MICAL2: variants seen among roughly 807,000 people sequenced by gnomAD.
MICAL2 encodes the protein microtubule associated monooxygenase, calponin and LIM domain containing 2.
A neutral mutation model predicts 127.3 loss-of-function variants in MICAL2; 77 were observed. That is an observed-to-expected ratio of 0.60 (90% confidence interval 0.50 to 0.73). MICAL2 has a LOEUF of 0.73. MICAL2 is among the 30% of genes least tolerant of loss of function. The pLI is 0.00. For synonymous variants in MICAL2, 570 were observed against 551.1 expected, an observed-to-expected ratio of 1.03 and a Z score of -0.48; for missense variants, 1,351 against 1,434.4, an observed-to-expected ratio of 0.94 and a Z score of 0.94.
intron 3 of MICAL2, among the ~76,000 whole-genome samples, chr11:12,179,003 C>T (rs1253060650): frequency 6.6e-6 from 1 of 152,186 alleles, no homozygotes; most frequent in African/African-American, 2.4e-5. Flanking sequence ...ATCACACCTG[C>T]CAGCCTCTGG....
In MICAL2 at chr11:12,162,390, A is replaced by G; in HGVS notation, c.235A>G (p.Lys79Glu). ...LDKRGSHKEY[K>E]RGKSCTNTKC... ...TAAGCGTGGTTCCCACAAAGAGTAT[A>G]AGCGAGGGAAGTCGTGCACGAACAC... The change falls in exon 3 of 28, where the codon AAG (lysine) becomes GAG (glutamate). Residue 79 changes from lysine (K) to glutamate (E), a missense_variant. Transcript: ENST00000683283. 1 of 1,614,262 alleles carries G rather than the reference A, an allele frequency of 6.2e-7. No individual in the cohort carries two copies. Among genetic ancestry groups the G allele is most frequent in the Non-Finnish European group, 8.5e-7 (1 of 1,180,044 alleles).
At chr11:12,352,040 G>C (rs1845394) in intron 33 of MICAL2, among the ~76,000 whole-genome samples, 7,929 of 151,980 alleles carry the variant, frequency 0.052, 527 homozygotes, top group African/African-American at 0.14. Flanking sequence ...CACCCACCTC[G>C]GCCTCCCAAA....
At chr11:12,145,443 A>G (rs372942331) in intron 2 of MICAL2, among the ~76,000 whole-genome samples, 1 of 152,158 alleles carries the variant, frequency 6.6e-6, no homozygotes, top group African/African-American at 2.4e-5. Flanking sequence ...AATAGCGACA[A>G]TGATCTACTG....
intron 29 of MICAL2, among the ~76,000 whole-genome samples, chr11:12,303,369 G>A (rs1864071279): frequency 6.6e-6 from 1 of 152,182 alleles, no homozygotes; most frequent in African/African-American, 2.4e-5. Flanking sequence ...GATGTAGCTA[G>A]TGTGAATGAG....
chr11:12,201,181 C>G (rs575153769), intron 3 of MICAL2, among the ~76,000 whole-genome samples: 3 of 152,200 alleles, frequency 2.0e-5, no homozygotes, highest in African/African-American at 7.2e-5. Context: ...CGTGGGCTTG[C>G]ACACCCACTC....
chr11:12,268,076 C>G (rs1863629373), downstream of MICAL2, among the ~76,000 whole-genome samples: 1 of 152,210 alleles, frequency 6.6e-6, no homozygotes, highest in East Asian at 1.9e-4. Context: ...TATATGCCCT[C>G]TGGCCTGGAC....
chr11:12,276,202 G>A (rs751364100), intron 1 of MICAL2: 8 of 392,040 alleles, frequency 2.0e-5, no homozygotes, highest in Non-Finnish European at 2.2e-5. Context: ...GGACAGAAGC[G>A]GGGTTGGAGG....
At chr11:12,122,162 G>A (rs576226707) in intron 1 of MICAL2, among the ~76,000 whole-genome samples, 7 of 152,306 alleles carry the variant, frequency 4.6e-5, no homozygotes, top group African/African-American at 1.7e-4. Context: ...CTGAACCTTG[G>A]GTTTGTTCTC....
intron 1 of MICAL2, among the ~76,000 whole-genome samples, chr11:12,120,106 C>T (rs1850382673): frequency 6.6e-6 from 1 of 152,228 alleles, no homozygotes; most frequent in Non-Finnish European, 1.5e-5. Context: ...GTAGCACTGG[C>T]TGGTCTCAGT....
At chr11:12,128,577 T>C (rs141874309) in intron 1 of MICAL2, among the ~76,000 whole-genome samples, 10 of 152,340 alleles carry the variant, frequency 6.6e-5, no homozygotes, top group Admixed American at 1.3e-4. Flanking sequence ...AGCAGAGGCA[T>C]GGCCAATTTC....
At chr11:12,177,916 T>A (rs1370991544) in intron 3 of MICAL2, among the ~76,000 whole-genome samples, 2 of 152,198 alleles carry the variant, frequency 1.3e-5, no homozygotes, top group Non-Finnish European at 2.9e-5. Flanking sequence ...CCCGTTGAAG[T>A]AATCTGATAT....
At chr11:12,210,344 A>C (rs1590366488) in intron 6 of MICAL2, among the ~76,000 whole-genome samples, 1 of 152,190 alleles carries the variant, frequency 6.6e-6, no homozygotes, top group Non-Finnish European at 1.5e-5. Flanking sequence ...GTTATAAACA[A>C]CATGGCCCCA....
rs1192698050 is a variant in MICAL2, at chr11:12,213,468, G to A, written c.847+58G>A. The A allele has an allele frequency of 5.2e-6, 8 of 1,545,252 alleles. No individual in the cohort carries two copies. The East Asian group carries it at 1.4e-4, about 26-fold the overall frequency. The stretch of plus-strand genomic sequence containing the variant: ...AGGTCTAAAGTTTGCAGTTTCTAAA[G>A]TGTGCAGAGGCGTGTGCTGGCTTTC... On this transcript the variant is annotated intron_variant, in intron 7 of 27. Coordinates refer to ENST00000683283, the MANE Select transcript of MICAL2 (RefSeq NM_001282663.2).
chr11:12,319,515 T>C (rs554156937), intron 29 of MICAL2, among the ~76,000 whole-genome samples: 3 of 151,544 alleles, frequency 2.0e-5, no homozygotes, highest in African/African-American at 7.3e-5. Flanking sequence ...GTAATTAACA[T>C]GGAGGGCCAA....
At chr11:12,289,360 A>G (rs1010618372), downstream of MICAL2, among the ~76,000 whole-genome samples, 3 of 152,238 alleles carry the variant, frequency 2.0e-5, no homozygotes, top group Non-Finnish European at 4.4e-5. Flanking sequence ...GAGTTGGCCA[A>G]TGAGGAGCTC....
chr11:12,186,569 G>A (rs1430702226), intron 3 of MICAL2, among the ~76,000 whole-genome samples: 2 of 152,064 alleles, frequency 1.3e-5, no homozygotes, highest in Non-Finnish European at 2.9e-5. Flanking sequence ...AAGATGCATG[G>A]TCTCTTCATT....
chr11:12,247,119 G>A (rs1045605349), intron 21 of MICAL2, among the ~76,000 whole-genome samples: 7 of 152,120 alleles, frequency 4.6e-5, no homozygotes, highest in South Asian at 2.1e-4. Context: ...GGAGCCCAGC[G>A]TTCGGACTCC....
intron 30 of MICAL2, among the ~76,000 whole-genome samples, chr11:12,319,968 A>G (rs73422759): frequency 0.019 from 2,854 of 152,132 alleles, 97 homozygotes; most frequent in African/African-American, 0.064. Flanking sequence ...TGAACACCCA[A>G]AGAATTATCT....
At chr11:12,198,155 C>G (rs1156345700) in intron 3 of MICAL2, among the ~76,000 whole-genome samples, 1 of 152,102 alleles carries the variant, frequency 6.6e-6, no homozygotes. Context: ...AGCATGTACC[C>G]TGGAATCAGA....
Sources: gnomAD v4.1 joint callset for allele counts (sites outside exome capture counted in the v4.1 genomes callset) on GRCh38, gnomAD v4.1.1 for gene constraint, MANE v1.5 for transcripts, NCBI Gene and HGNC (gene_info 2026-07-23, HGNC 2026-07-21) for gene names.